Variants in NT5C3A observed in about 807,000 individuals in gnomAD.
The protein encoded by NT5C3A is 5'-nucleotidase, cytosolic IIIA.
A neutral mutation model predicts 40.0 loss-of-function variants in NT5C3A; 23 were observed. That is an observed-to-expected ratio of 0.58 (90% CI 0.41 to 0.81). The LOEUF (loss-of-function observed/expected upper bound fraction) is 0.81, where lower values mean the gene tolerates loss of function less well. Ranked by LOEUF, NT5C3A falls within the 40% of genes least tolerant of loss-of-function variation. The probability of loss-of-function intolerance (pLI) is 0.00; values close to 1 mark genes in which losing one functional copy is unlikely to be tolerated. For missense variants in NT5C3A, 328 were observed against 403.0 expected (o/e 0.81, Z 1.59); for synonymous variants, 130 against 141.4 (o/e 0.92, Z 0.57).
intron 1 of NT5C3A, among the ~76,000 whole-genome samples, chr7:33,043,393 G>A (rs997300796): frequency 2.6e-5 from 4 of 152,126 alleles, no homozygotes; most frequent in African/African-American, 7.2e-5. Context: ...TGTGCTCCTT[G>A]GGAAATTTAA....
chr7:33,039,351 G>A (rs80332961), intron 1 of NT5C3A, among the ~76,000 whole-genome samples: 6,286 of 152,134 alleles, frequency 0.041, 421 homozygotes, highest in African/African-American at 0.15. Flanking sequence ...TTTAAAAACT[G>A]TGACTGCTTT....
intron 6 of NT5C3A, among the ~76,000 whole-genome samples, chr7:33,018,803 C>T (rs991837906): frequency 6.6e-6 from 1 of 150,654 alleles, no homozygotes; most frequent in South Asian, 2.1e-4. Context: ...CACTGCACTC[C>T]AGCCTGGGTG....
At chr7:33,054,437 A>G (rs1047356228) in intron 1 of NT5C3A, among the ~76,000 whole-genome samples, 2 of 152,140 alleles carry the variant, frequency 1.3e-5, no homozygotes, top group Non-Finnish European at 2.9e-5. Context: ...ACATCACCAC[A>G]GCCATGAATC....
intron 1 of NT5C3A, among the ~76,000 whole-genome samples, chr7:33,057,437 G>T (rs1247233471): frequency 1.3e-5 from 2 of 152,140 alleles, no homozygotes; most frequent in African/African-American, 4.8e-5. Context: ...TGGGAGGATG[G>T]CTTGAGCCCA....
intron 1 of NT5C3A, among the ~76,000 whole-genome samples, chr7:33,028,534 CTTTA>C (rs1193975129): frequency 6.6e-6 from 1 of 152,032 alleles, no homozygotes; most frequent in Non-Finnish European, 1.5e-5. Context: ...ACTGGATAAT[CTTTA>C]TTTATATGTT....
chr7:33,023,969 G>C (rs1785774333), intron 3 of NT5C3A, 70 bp downstream of exon 3: 1 of 880,116 alleles, frequency 1.1e-6, no homozygotes, highest in Non-Finnish European at 1.9e-6. Flanking sequence ...TATCTCACAG[G>C]TAATATAAAG....
intron 1 of NT5C3A, 109 bp downstream of exon 1, chr7:33,062,459 G>A (rs564763883): frequency 6.0e-6 from 6 of 991,880 alleles, no homozygotes; most frequent in Admixed American, 2.2e-5. Flanking sequence ...AGGCGACGCC[G>A]GCAGCTCCCC....
chr7:33,047,719 T>C (rs888682963), intron 1 of NT5C3A, among the ~76,000 whole-genome samples: 10 of 152,148 alleles, frequency 6.6e-5, no homozygotes, highest in Non-Finnish European at 1.5e-4. Context: ...ACGGGGGTCT[T>C]TTAAGGTGGT....
Position 33,014,546 on chromosome 7 carries a change from T to G in NT5C3A, c.*184A>C. ...GGGTTAAAAGATACGGTGAGGAGTG[T>G]GTTGAGAGAGGTGGAGAAAAGGAGC... is the stretch of plus-strand genomic sequence containing the variant. On this transcript the variant is annotated 3_prime_UTR_variant, in exon 9 of 9. Coordinates refer to ENST00000610140, the MANE Select transcript of NT5C3A (RefSeq NM_001002010.5). 2.5e-6 allele frequency: 2 copies of G among 791,302 alleles called. No individual in the cohort carries two copies. The highest frequency in any genetic ancestry group is 2.1e-6 in the Non-Finnish European group (1 of 483,930). 49.0% of individuals were successfully genotyped at this position (791,302 alleles called of 1,614,324 possible). A position where few individuals can be genotyped will look rare whatever the true frequency, so the allele number is the denominator to read the frequency against.
intron 2 of NT5C3A, 92 bp downstream of exon 2, chr7:33,026,725 C>T: frequency 1.2e-6 from 1 of 850,478 alleles, no homozygotes. Flanking sequence ...AACTCCTGGG[C>T]TCAAGTGATC....
At chr7:33,030,799 G>A (rs750770099) in intron 1 of NT5C3A, among the ~76,000 whole-genome samples, 11 of 152,242 alleles carry the variant, frequency 7.2e-5, no homozygotes, top group Admixed American at 1.3e-4. Flanking sequence ...ACTGGGATAA[G>A]ATAAAAATGT....
intron 2 of NT5C3A, among the ~76,000 whole-genome samples, chr7:33,026,069 C>T (rs1346130284): frequency 6.6e-6 from 1 of 152,222 alleles, no homozygotes; most frequent in Non-Finnish European, 1.5e-5. Context: ...ACCTGTAATC[C>T]CAGCTGCTCT....
chr7:33,057,674 AT>A lies in NT5C3A; in HGVS notation c.138+4893del, dbSNP rs1483175177. Among the ~76,000 whole-genome samples, 4 of 152,212 alleles carry A rather than the reference AT, an allele frequency of 2.6e-5. No individual in the cohort carries two copies. In the East Asian group the frequency reaches 7.7e-4, roughly 29 times the overall value. ...AGATATGTTTAAATTGGAAATGACC[AT>A]TTTTAACTGGTTGTAGAGGTTCTAG... On this transcript the variant is annotated intron_variant, in intron 1 of 8. Coordinates refer to ENST00000610140, the MANE Select transcript of NT5C3A (RefSeq NM_001002010.5).
At chr7:33,015,398 A>C (rs1030808408) in intron 8 of NT5C3A, among the ~76,000 whole-genome samples, 1 of 151,972 alleles carries the variant, frequency 6.6e-6, no homozygotes, top group African/African-American at 2.4e-5. Flanking sequence ...ATTCATCTCT[A>C]AAAAAAATTT....
At chr7:33,042,851 T>G (rs140098360) in intron 1 of NT5C3A, among the ~76,000 whole-genome samples, 1 of 152,202 alleles carries the variant, frequency 6.6e-6, no homozygotes, top group Non-Finnish European at 1.5e-5. Flanking sequence ...TCTGGGAAAC[T>G]TGAAACAACC....
intron 3 of NT5C3A, among the ~76,000 whole-genome samples, chr7:33,022,571 T>C (rs1583904673): frequency 6.6e-6 from 1 of 152,272 alleles, no homozygotes; most frequent in Non-Finnish European, 1.5e-5. Flanking sequence ...TAATAAGTAA[T>C]GAACAATATT....
rs932819438 is a variant in NT5C3A, at chr7:33,062,628, C to T, written c.78G>A (p.Leu26=). The T allele has an allele frequency of 5.0e-6, 8 of 1,606,038 alleles. No homozygotes were observed. The highest frequency in any genetic ancestry group is 6.8e-6 in the Non-Finnish European group (8 of 1,177,166). Residue 26 remains leucine (L), a synonymous_variant, in exon 1 of 9, where the codon CTG becomes CTA. Transcript: ENST00000610140. ...SVCALVAGVV[L]AQYIFTLKRK... is the part of the protein sequence containing the mutation. Reference sequence around the variant, plus strand: ...TCTTCAAGGTGAATATGTACTGAGCCAGCACCACCCCCGCCACCAGGGCGC... The same window carrying T: ...TCTTCAAGGTGAATATGTACTGAGCTAGCACCACCCCCGCCACCAGGGCGC...
intron 1 of NT5C3A, chr7:33,029,172 T>A (rs1022489590): frequency 1.3e-5 from 2 of 153,226 alleles, no homozygotes; most frequent in Non-Finnish European, 2.9e-5. Flanking sequence ...TGAGTTTCAA[T>A]GGCTTAAAGG....
rs190700426 is a variant in NT5C3A at position 33,048,805 on chromosome 7, C to G, written c.138+13763G>C. 2.2e-3 allele frequency among the ~76,000 whole-genome samples: 339 copies of G among 152,248 alleles called. 2 individuals are homozygous for G. The highest frequency in any genetic ancestry group is 7.8e-3 in the African/African-American group (322 of 41,524). ...ATTTGGCATAATGCTGGATATCTCC[C>G]CATATCCCATCTTTTTAAACTTTAA... On this transcript the variant is annotated intron_variant, in intron 1 of 8. Transcript: ENST00000610140.
Sources: allele counts gnomAD v4.1 joint callset (sites outside exome capture counted in the v4.1 genomes callset), GRCh38; gene constraint gnomAD v4.1.1; transcripts MANE v1.5; gene names NCBI Gene and HGNC (gene_info 2026-07-23, HGNC 2026-07-21).